GBP4: variants seen among roughly 807,000 people sequenced by gnomAD.
GBP4 encodes the protein guanylate-binding protein 4.
A neutral mutation model predicts 62.2 loss-of-function variants in GBP4; 69 were observed. That is an observed-to-expected ratio of 1.11 (90% CI 0.91 to 1.36). The LOEUF (loss-of-function observed/expected upper bound fraction) is 1.36, where lower values mean the gene tolerates loss of function less well. Among genes scored for constraint, GBP4 ranks in the 40% most tolerant of loss-of-function variants. The pLI is 0.00. For synonymous variants in GBP4, 278 were observed against 274.6 expected (o/e 1.01, Z -0.12); for missense variants, 697 against 759.3 (o/e 0.92, Z 0.96).
intron 5 of GBP4, 118 bp from the exon 6 acceptor site, chr1:89,191,624 A>G (rs964513093): frequency 4.9e-6 from 5 of 1,027,392 alleles, no homozygotes; most frequent in Non-Finnish European, 7.0e-6. Flanking sequence ...ATCTTGTTTT[A>G]TGCAATCATA....
Position 89,185,275 on chromosome 1 carries a change from T to C in GBP4, c.1902A>G (p.Lys634=), listed in dbSNP as rs1342883917. 3 of 1,609,526 alleles carry C rather than the reference T, an allele frequency of 1.9e-6. No individual in the cohort carries two copies. Among genetic ancestry groups the C allele is most frequent in the Non-Finnish European group, 2.6e-6 (3 of 1,175,948 alleles). ...GASKLLGVGT[K]YLGSRI ...GCTCTTAAATACGTGAGCCAAGATA[T>C]TTTGTCCCTACTCCAAGTAGCTTGG... The change falls in exon 11 of 11, where the codon AAA becomes AAG. Residue 634 remains lysine, a synonymous_variant. Transcript: ENST00000355754.
In GBP4 at chr1:89,182,560, C is replaced by T. The variant is rs1647912309; in HGVS notation, c.*2694G>A. On this transcript the variant is annotated 3_prime_UTR_variant, in exon 11 of 11. Coordinates refer to ENST00000355754, the MANE Select transcript of GBP4 (RefSeq NM_052941.5). ...GCAGTGGCGCGATCTCGACTCACTG[C>T]AAGCTCCGCCTCCTGGGTTCACGCC... The T allele has an allele frequency of 6.7e-6, 1 of 149,444 alleles. No homozygotes were observed. Among genetic ancestry groups the T allele is most frequent in the African/African-American group, 2.5e-5 (1 of 40,536 alleles). The allele number at this position is 149,444 out of a possible 1,614,324, so 9.3% of individuals were successfully genotyped here.
chr1:89,186,071 C>T (rs1648025694), intron 10 of GBP4, among the ~76,000 whole-genome samples: 1 of 152,134 alleles, frequency 6.6e-6, no homozygotes, highest in East Asian at 1.9e-4. Flanking sequence ...CACAGTGAGA[C>T]CATCCTGTAG....
At position 89,186,944 on chromosome 1, in the gene GBP4, A is replaced by G. The variant is rs1341025109; in HGVS notation, c.1513+56T>C. 9 of 1,469,920 alleles carry G rather than the reference A, an allele frequency of 6.1e-6. No homozygotes were observed. The African/African-American group carries it at 1.3e-4, about 20-fold the overall frequency. The allele number at this position is 1,469,920 out of a possible 1,614,324, so 91.1% of individuals were successfully genotyped here. A position where few individuals can be genotyped will look rare whatever the true frequency, so the allele number is the denominator to read the frequency against. ...GGAATATCTTTCAGTGTGATCAGCA[A>G]GAAGGCATTGCAGGAAACTCCCAAT... On this transcript the variant is annotated intron_variant, in intron 9 of 10. Coordinates refer to ENST00000355754, the MANE Select transcript of GBP4 (RefSeq NM_052941.5).
chr1:89,198,206 A>G (rs1648398681), intron 1 of GBP4, among the ~76,000 whole-genome samples: 1 of 152,084 alleles, frequency 6.6e-6, no homozygotes, highest in Non-Finnish European at 1.5e-5. Context: ...GGGTGCTGTT[A>G]ACCGGGCGAA....
At chr1:89,198,591 C>CAGA (rs1648410067) in intron 1 of GBP4, 2 of 579,138 alleles carry the variant, frequency 3.5e-6, no homozygotes, top group Admixed American at 2.9e-5. Context: ...GCCTGTGGAC[C>CAGA]GTCTAGAGAC....
rs1185104137 is a variant in GBP4, at chr1:89,194,697, A to G, written c.363+600T>C. Among the ~76,000 whole-genome samples, 5 of 152,354 alleles carry G rather than the reference A, an allele frequency of 3.3e-5. No homozygotes were observed. The East Asian group carries it at 9.6e-4, about 29-fold the overall frequency. The stretch of plus-strand genomic sequence containing the variant: ...ATTCTTTGTGGGTCTAATTCATGCT[A>G]TTAAAGAAGTCAGTGGAGAATTAAT... On this transcript the variant is annotated intron_variant, in intron 3 of 10. Coordinates refer to ENST00000355754, the MANE Select transcript of GBP4 (RefSeq NM_052941.5).
chr1:89,184,397 G>GT lies in GBP4; in HGVS notation c.*856dup, dbSNP rs1647971994. The GT allele has an allele frequency of 6.6e-6, 1 of 152,196 alleles. No homozygotes were observed. 9.4% of individuals were successfully genotyped at this position (152,196 alleles called of 1,614,324 possible). On this transcript the variant is annotated 3_prime_UTR_variant, in exon 11 of 11. Transcript: ENST00000355754. ...TTGTACCATAAAGGCACATGCACGT[G>GT]TATGTCCATTGCAGCACTGTTCACA...
chr1:89,185,213 A>G lies in GBP4; in HGVS notation c.*41T>C. 1 of 1,179,958 alleles carries G rather than the reference A, an allele frequency of 8.5e-7. No individual in the cohort carries two copies. The highest frequency in any genetic ancestry group is 1.3e-6 in the Non-Finnish European group (1 of 792,646). The allele number at this position is 1,179,958 out of a possible 1,614,324, so 73.1% of individuals were successfully genotyped here. A position where few individuals can be genotyped will look rare whatever the true frequency, so the allele number is the denominator to read the frequency against. On this transcript the variant is annotated 3_prime_UTR_variant, in exon 11 of 11. Coordinates refer to ENST00000355754, the MANE Select transcript of GBP4 (RefSeq NM_052941.5). ...CAGTGTTATGTTATTAAAATAAAAT[A>G]AACCTCATTTTATATTTTCTTACCT...
chr1:89,195,911 T>C (rs907484762), intron 2 of GBP4, among the ~76,000 whole-genome samples: 1 of 152,246 alleles, frequency 6.6e-6, no homozygotes, highest in African/African-American at 2.4e-5. Context: ...CAATACATTC[T>C]ACAGGGCAGC....
chr1:89,194,760 T>C (rs986420736), intron 3 of GBP4, among the ~76,000 whole-genome samples: 3 of 152,250 alleles, frequency 2.0e-5, no homozygotes, highest in Non-Finnish European at 4.4e-5. Flanking sequence ...ATGTTAGTGA[T>C]AAAATTAATG....
chr1:89,191,028 G>T (rs1434744069), intron 6 of GBP4, among the ~76,000 whole-genome samples: 4 of 152,236 alleles, frequency 2.6e-5, no homozygotes, highest in South Asian at 4.1e-4. Context: ...CTCCTTAGGA[G>T]TTTGTGTTTA....
At position 89,197,236 on chromosome 1, in the gene GBP4, T is replaced by C; in HGVS notation, c.109A>G (p.Thr37Ala). 6.2e-7 allele frequency: 1 copy of C among 1,614,190 alleles called. No homozygotes were observed. The highest frequency in any genetic ancestry group is 1.3e-5 in the African/African-American group (1 of 75,036). Residue 37 changes from threonine (T) to alanine (A), a missense_variant, in exon 2 of 11, where the codon ACA becomes GCA. Thr to Ala is a moderately conservative substitution (Grantham distance 58, BLOSUM62 0). Around this residue, in one of 2 missense-constraint regions of GBP4, gnomAD observed 556 missense variants for 562.7 expected, o/e 0.99. Coordinates refer to ENST00000355754, the MANE Select transcript of GBP4 (RefSeq NM_052941.5). ...CLVENQEEQL[T>A]VNSKALEILD... ...ATCTCTAATGCCTTTGAATTCACTG[T>C]CAGCTGCTCTTCCTGGTTTTCCACT... is the stretch of plus-strand genomic sequence containing the variant.
At chr1:89,198,717 C>T in intron 1 of GBP4, 78 bp downstream of exon 1, 2 of 1,225,584 alleles carry the variant, frequency 1.6e-6, no homozygotes, top group South Asian at 1.2e-5. Context: ...TCCCCGTGTG[C>T]AGTCTGCGCT....
chr1:89,197,863 T>C (rs1648388635), intron 1 of GBP4, among the ~76,000 whole-genome samples: 1 of 152,098 alleles, frequency 6.6e-6, no homozygotes, highest in Admixed American at 6.5e-5. Flanking sequence ...GAGCTCTATT[T>C]GTTGTAACCC....
rs1320353061 is a variant in GBP4 at position 89,183,880 on chromosome 1, AAAAAAC to A, written c.*1368_*1373del. The A allele has an allele frequency of 6.6e-6, 1 of 152,242 alleles. No individual in the cohort carries two copies. Among genetic ancestry groups the A allele is most frequent in the East Asian group, 1.9e-4 (1 of 5,204 alleles). 9.4% of individuals were successfully genotyped at this position (152,242 alleles called of 1,614,324 possible). Reference sequence around the variant, plus strand: ...GGGTGTCAAAGTGAGACCCTGTTTCAAAAAACAAAAACAAAACAAAATGAAACAATT... The same window carrying A: ...GGGTGTCAAAGTGAGACCCTGTTTCAAAAAACAAAACAAAATGAAACAATT... On this transcript the variant is annotated 3_prime_UTR_variant, in exon 11 of 11. Transcript: ENST00000355754.
In GBP4 at chr1:89,183,307, T is replaced by G. The variant is rs559651068; in HGVS notation, c.*1947A>C. On this transcript the variant is annotated 3_prime_UTR_variant, in exon 11 of 11. Transcript: ENST00000355754. Reference sequence around the variant, plus strand: ...CAAAAACAAGCAATGGGGAAAGAAGTCCCCATTTAATAAATGGTGCTGGGA... The same window carrying G: ...CAAAAACAAGCAATGGGGAAAGAAGGCCCCATTTAATAAATGGTGCTGGGA... 6.6e-6 allele frequency: 1 copy of G among 152,226 alleles called. No homozygotes were observed. The highest frequency in any genetic ancestry group is 6.5e-5 in the Admixed American group (1 of 15,282). 9.4% of individuals were successfully genotyped at this position (152,226 alleles called of 1,614,324 possible).
intron 3 of GBP4, among the ~76,000 whole-genome samples, chr1:89,194,415 A>G (rs1198880548): frequency 6.6e-6 from 1 of 152,218 alleles, no homozygotes; most frequent in Non-Finnish European, 1.5e-5. Flanking sequence ...GTTTATGAAA[A>G]CTACAACATA....
At position 89,195,543 on chromosome 1, in the gene GBP4, C is replaced by T. The variant is rs971475490; in HGVS notation, c.236-119G>A. ...GCTGACAGGGGAAAAGGGTTGTTTC[C>T]ATCTCAGGCAGGACAACTAATCTGA... On this transcript the variant is annotated intron_variant, in intron 2 of 10. Transcript: ENST00000355754. 23 of 1,220,728 alleles carry T rather than the reference C, an allele frequency of 1.9e-5. No individual in the cohort carries two copies. The African/African-American group carries it at 2.6e-4, about 14-fold the overall frequency. The allele number at this position is 1,220,728 out of a possible 1,614,324, so 75.6% of individuals were successfully genotyped here. A position where few individuals can be genotyped will look rare whatever the true frequency, so the allele number is the denominator to read the frequency against.
Sources: allele counts gnomAD v4.1 joint callset (sites outside exome capture counted in the v4.1 genomes callset), GRCh38; gene constraint gnomAD v4.1.1; regional missense constraint gnomAD v4.1.1; transcripts MANE v1.5; gene names NCBI Gene and HGNC (gene_info 2026-07-23, HGNC 2026-07-21).